Variants in CSMD3 observed in about 807,000 individuals in gnomAD.
The protein encoded by CSMD3 is CUB and Sushi multiple domains 3.
A neutral mutation model predicts 435.2 loss-of-function variants in CSMD3; 177 were observed. The observed-to-expected ratio is 0.41, with a 90% CI of 0.36 to 0.46. The LOEUF is 0.46. Ranked by LOEUF, CSMD3 falls within the 20% of genes least tolerant of loss-of-function variation. CSMD3 has a pLI of 0.34. For missense variants in CSMD3, 4,265 were observed against 4,504.6 expected, an observed-to-expected ratio of 0.95 and a Z score of 1.52; for synonymous variants, 1,656 against 1,520.5, an observed-to-expected ratio of 1.09 and a Z score of -2.07.
chr8:113,144,323 T>C (rs1211942626), intron 4 of CSMD3, among the ~76,000 whole-genome samples: 1 of 151,344 alleles, frequency 6.6e-6, no homozygotes, highest in Non-Finnish European at 1.5e-5. Context: ...TTCTAGTTAG[T>C]TTTGATAGGA....
intron 4 of CSMD3, among the ~76,000 whole-genome samples, chr8:113,122,792 A>G (rs1277617860): frequency 1.3e-5 from 2 of 152,116 alleles, no homozygotes; most frequent in African/African-American, 4.8e-5. Context: ...ACAAAATTGT[A>G]AGATAAGTTT....
chr8:113,048,559 A>C (rs529583738), intron 5 of CSMD3, among the ~76,000 whole-genome samples: 40 of 152,302 alleles, frequency 2.6e-4, no homozygotes, highest in African/African-American at 9.1e-4. Context: ...CTGAAAGAAT[A>C]CTCTAGATTA....
At chr8:113,068,103 T>C (rs1427192142) in intron 5 of CSMD3, among the ~76,000 whole-genome samples, 1 of 152,166 alleles carries the variant, frequency 6.6e-6, no homozygotes, top group Non-Finnish European at 1.5e-5. Context: ...AAAAATGCTG[T>C]ATAAAAAGAG....
At chr8:113,280,743 C>A (rs539101698) in intron 2 of CSMD3, among the ~76,000 whole-genome samples, 1 of 151,652 alleles carries the variant, frequency 6.6e-6, no homozygotes, top group African/African-American at 2.4e-5. Context: ...GAGGTGTGAC[C>A]TTAGAATGTC....
At chr8:112,827,630 T>C (rs2079737415) in intron 12 of CSMD3, among the ~76,000 whole-genome samples, 1 of 152,206 alleles carries the variant, frequency 6.6e-6, no homozygotes, top group African/African-American at 2.4e-5. Context: ...CTATGTATCA[T>C]TAATATCCAA....
At chr8:112,889,919 C>T (rs1490560176) in intron 10 of CSMD3, among the ~76,000 whole-genome samples, 1 of 151,516 alleles carries the variant, frequency 6.6e-6, no homozygotes, top group Non-Finnish European at 1.5e-5. Context: ...ATGTAAGATT[C>T]CTATCTTCTG....
rs773711298 is a variant in CSMD3, at chr8:112,386,728, ACCTCGTGATCCGCCCG to A, written c.5935-3081_5935-3066del. ...TAGCCAGGATGGTCGCTATCTCCTG[ACCTCGTGATCCGCCCG>A]CCTCGGCCCCCCAAAGTGCTGGGAT... On this transcript the variant is annotated intron_variant, in intron 36 of 70. Coordinates refer to ENST00000297405, the MANE Select transcript of CSMD3 (RefSeq NM_198123.2). Among the ~76,000 whole-genome samples the A allele has an allele frequency of 2.6e-3, 393 of 151,740 alleles. 1 individual carries two copies. Among genetic ancestry groups the A allele is most frequent in the Non-Finnish European group, 4.5e-3 (308 of 67,902 alleles).
intron 16 of CSMD3, among the ~76,000 whole-genome samples, chr8:112,671,522 A>G (rs1456062579): frequency 1.3e-5 from 2 of 152,122 alleles, no homozygotes; most frequent in African/African-American, 2.4e-5. Flanking sequence ...CCTCTTTCAA[A>G]GGAGTTGAGT....
intron 5 of CSMD3, among the ~76,000 whole-genome samples, chr8:113,024,392 T>C (rs146088383): frequency 1.1e-3 from 162 of 151,920 alleles, no homozygotes; most frequent in Middle Eastern, 6.8e-3. Flanking sequence ...TACTTGACTA[T>C]TGTGAATAGT....
intron 66 of CSMD3, among the ~76,000 whole-genome samples, chr8:112,240,530 T>C (rs994361531): frequency 6.6e-6 from 1 of 152,126 alleles, no homozygotes; most frequent in Non-Finnish European, 1.5e-5. Flanking sequence ...TTTTATAGCA[T>C]GTACATGGAG....
intron 7 of CSMD3, among the ~76,000 whole-genome samples, chr8:112,970,991 G>A (rs1373599684): frequency 6.6e-6 from 1 of 152,100 alleles, no homozygotes; most frequent in African/African-American, 2.4e-5. Context: ...AAAGTGCTGG[G>A]ATGACAGGCG....
At chr8:112,724,420 C>A (rs1403649967) in intron 13 of CSMD3, among the ~76,000 whole-genome samples, 1 of 151,714 alleles carries the variant, frequency 6.6e-6, no homozygotes, top group Non-Finnish European at 1.5e-5. Flanking sequence ...CAAAGTGAAG[C>A]CAAAATAATT....
chr8:113,393,640 C>G (rs2094470863), intron 1 of CSMD3, among the ~76,000 whole-genome samples: 1 of 152,070 alleles, frequency 6.6e-6, no homozygotes, highest in Non-Finnish European at 1.5e-5. Context: ...ACACTAGTTT[C>G]ACCGGTGGTA....
chr8:112,366,034 A>C (rs910756231), intron 38 of CSMD3, among the ~76,000 whole-genome samples: 5 of 152,194 alleles, frequency 3.3e-5, no homozygotes, highest in Non-Finnish European at 7.4e-5. Flanking sequence ...CATTTCTTTG[A>C]AGAACTATAA....
At chr8:113,366,620 T>C (rs1158551622) in intron 1 of CSMD3, among the ~76,000 whole-genome samples, 2 of 152,086 alleles carry the variant, frequency 1.3e-5, no homozygotes, top group African/African-American at 4.8e-5. Flanking sequence ...GTTTTATGCA[T>C]ATTTGAATGC....
intron 63 of CSMD3, among the ~76,000 whole-genome samples, chr8:112,250,714 GTAT>G (rs1443770552): frequency 5.3e-5 from 8 of 151,576 alleles, no homozygotes; most frequent in Non-Finnish European, 1.5e-5. Context: ...CGAATAAAAA[GTAT>G]TATTTGTATA....
intron 13 of CSMD3, among the ~76,000 whole-genome samples, chr8:112,778,788 C>T (rs1251882602): frequency 1.3e-5 from 2 of 151,898 alleles, no homozygotes; most frequent in African/African-American, 2.4e-5. Flanking sequence ...TACCATTTTG[C>T]ATTTCCACCA....
At chr8:112,736,707 G>A (rs1443632164) in intron 13 of CSMD3, among the ~76,000 whole-genome samples, 1 of 151,980 alleles carries the variant, frequency 6.6e-6, no homozygotes, top group African/African-American at 2.4e-5. Context: ...CTGCTGGGCT[G>A]TGAGATAGAA....
intron 39 of CSMD3, among the ~76,000 whole-genome samples, 193 bp downstream of exon 39, chr8:112,352,223 C>T (rs1360150073): frequency 6.6e-6 from 1 of 152,038 alleles, no homozygotes; most frequent in African/African-American, 2.4e-5. Context: ...TTGTTTACTT[C>T]CAAACAAAAC....
Sources: gnomAD v4.1 joint callset for allele counts (sites outside exome capture counted in the v4.1 genomes callset) on GRCh38, gnomAD v4.1.1 for gene constraint, MANE v1.5 for transcripts, NCBI Gene and HGNC (gene_info 2026-07-23, HGNC 2026-07-21) for gene names.